The following ASIC2 variants were observed in gnomAD, a reference collection of about 807,000 sequenced individuals.
ASIC2 encodes the protein acid-sensing ion channel 2.
In ASIC2, 25 loss-of-function variants were observed where a neutral mutation model predicts 57.3. The observed-to-expected ratio is 0.44, with a 90% CI of 0.32 to 0.61. The LOEUF (loss-of-function observed/expected upper bound fraction) is 0.61, where lower values mean the gene tolerates loss of function less well. Among genes scored for constraint, ASIC2 ranks in the 20% least tolerant of loss-of-function variants. The pLI is 0.06. For synonymous variants in ASIC2, 319 were observed against 307.5 expected, an observed-to-expected ratio of 1.04 and a Z score of -0.39; for missense variants, 641 against 738.1, an observed-to-expected ratio of 0.87 and a Z score of 1.52.
At chr17:33,512,642 T>G (rs1914461545) in intron 1 of ASIC2, among the ~76,000 whole-genome samples, 1 of 152,220 alleles carries the variant, frequency 6.6e-6, no homozygotes, top group African/African-American at 2.4e-5. Flanking sequence ...TCTACACTCC[T>G]GCTTACTCTA....
intron 1 of ASIC2, among the ~76,000 whole-genome samples, chr17:33,581,990 C>G (rs910130663): frequency 4.6e-5 from 7 of 152,130 alleles, no homozygotes; most frequent in Non-Finnish European, 1.0e-4. Flanking sequence ...ATTCCGTGTC[C>G]CCACACCTTG....
intron 1 of ASIC2, among the ~76,000 whole-genome samples, chr17:33,685,097 G>A (rs901070702): frequency 4.6e-5 from 7 of 152,164 alleles, no homozygotes; most frequent in East Asian, 1.9e-4. Flanking sequence ...TAGTCCTCAC[G>A]TTCTGGTTCC....
At chr17:33,190,104 T>C (rs1455917637) in intron 1 of ASIC2, among the ~76,000 whole-genome samples, 2 of 152,156 alleles carry the variant, frequency 1.3e-5, no homozygotes, top group African/African-American at 4.8e-5. Context: ...ACTGACTTTT[T>C]TCACAGATAA....
chr17:33,278,607 G>A (rs952521669), intron 1 of ASIC2, among the ~76,000 whole-genome samples: 2 of 152,092 alleles, frequency 1.3e-5, no homozygotes, highest in Non-Finnish European at 2.9e-5. Flanking sequence ...GGGGAGACTT[G>A]GAAAGCACAG....
intron 1 of ASIC2, among the ~76,000 whole-genome samples, chr17:33,593,756 G>A (rs1260327757): frequency 6.6e-6 from 1 of 152,140 alleles, no homozygotes; most frequent in African/African-American, 2.4e-5. Flanking sequence ...ATTTTGAAAA[G>A]GTCAATACAG....
intron 1 of ASIC2, among the ~76,000 whole-genome samples, chr17:33,767,875 C>T (rs911325566): frequency 3.3e-5 from 5 of 152,202 alleles, no homozygotes; most frequent in African/African-American, 9.6e-5. Flanking sequence ...AGATAATTAA[C>T]CCATTAACTG....
intron 1 of ASIC2, among the ~76,000 whole-genome samples, chr17:34,106,049 C>T (rs557682986): frequency 2.0e-4 from 30 of 152,042 alleles, no homozygotes; most frequent in African/African-American, 6.7e-4. Context: ...TAAATAGTCT[C>T]GAATGTTTCC....
At chr17:33,027,917 C>T (rs1052410669) in intron 4 of ASIC2, among the ~76,000 whole-genome samples, 1 of 152,252 alleles carries the variant, frequency 6.6e-6, no homozygotes, top group African/African-American at 2.4e-5. Flanking sequence ...ACATGTACTA[C>T]ACGAGCTGCA....
intron 1 of ASIC2, among the ~76,000 whole-genome samples, chr17:34,110,363 G>T (rs554893905): frequency 1.3e-5 from 2 of 152,266 alleles, no homozygotes; most frequent in South Asian, 4.1e-4. Context: ...GAACAACTCT[G>T]GGAAGGCTGC....
chr17:33,900,349 A>G (rs935492244), intron 1 of ASIC2, among the ~76,000 whole-genome samples: 1 of 152,162 alleles, frequency 6.6e-6, no homozygotes, highest in African/African-American at 2.4e-5. Context: ...ATATTATTCC[A>G]TAGGGTCTCT....
chr17:33,165,200 A>G (rs921886225), intron 1 of ASIC2, among the ~76,000 whole-genome samples: 2 of 152,110 alleles, frequency 1.3e-5, no homozygotes, highest in Non-Finnish European at 2.9e-5. Flanking sequence ...TTGTCTACCA[A>G]TCCTGGTCAT....
At position 33,107,534 on chromosome 17, in the gene ASIC2, C is replaced by T. The variant is rs79766507; in HGVS notation, c.859+4383G>A. 7.9e-3 allele frequency among the ~76,000 whole-genome samples: 1,208 copies of T among 152,272 alleles called. 32 individuals carry two copies. Among genetic ancestry groups the T allele is most frequent in the East Asian group, 0.065 (336 of 5,174 alleles). On this transcript the variant is annotated intron_variant, in intron 2 of 9. Coordinates refer to ENST00000225823, the MANE Select transcript of ASIC2 (RefSeq NM_183377.2). ...CTCTCTAGGACCACATGCAACTGAA[C>T]CTCTTCCTTTAAAATGGCATATTAT...
intron 1 of ASIC2, among the ~76,000 whole-genome samples, chr17:33,186,698 G>A (rs573026814): frequency 6.6e-6 from 1 of 152,262 alleles, no homozygotes; most frequent in African/African-American, 2.4e-5. Context: ...ATAGTGGCTG[G>A]CCATCGGAAG....
chr17:33,114,275 A>T (rs755100359), intron 1 of ASIC2, among the ~76,000 whole-genome samples: 6 of 152,234 alleles, frequency 3.9e-5, no homozygotes, highest in African/African-American at 1.4e-4. Context: ...GCATATAGCA[A>T]TTGAACTTGG....
In ASIC2 at chr17:33,023,995, G is replaced by C. The variant is rs2091849410; in HGVS notation, c.1215C>G (p.Asp405Glu). The C allele has an allele frequency of 6.2e-7, 1 of 1,614,048 alleles. No homozygotes were observed. Among genetic ancestry groups the C allele is most frequent in the South Asian group, 1.1e-5 (1 of 91,080 alleles). The change falls in exon 6 of 10, where the codon GAC (aspartate) becomes GAG (glutamate). Residue 405 changes from aspartate to glutamate, a missense_variant. This residue lies in a region of ASIC2 where 252 missense variants were observed against 319.8 expected (regional missense o/e 0.79). Coordinates refer to ENST00000225823, the MANE Select transcript of ASIC2 (RefSeq NM_183377.2). ...GTGTCCTGCAGAGACAGTAATTGCT[G>C]TCCTTTTCCGCCAACAGACCTGGAG... is the stretch of plus-strand genomic sequence containing the variant. ...EPALGLLAEK[D>E]SNYCLCRTPC...
At chr17:33,137,423 G>T (rs750784616) in intron 1 of ASIC2, among the ~76,000 whole-genome samples, 11 of 152,232 alleles carry the variant, frequency 7.2e-5, no homozygotes, top group Non-Finnish European at 1.2e-4. Flanking sequence ...ATTTGAAGGT[G>T]ACTTCAGGAA....
intron 1 of ASIC2, among the ~76,000 whole-genome samples, chr17:34,006,948 A>G (rs1906546717): frequency 1.3e-5 from 2 of 152,198 alleles, no homozygotes; most frequent in Admixed American, 6.5e-5. Context: ...AAAACGCCTG[A>G]TCATCCAGTG....
intron 1 of ASIC2, among the ~76,000 whole-genome samples, chr17:34,015,179 G>A (rs899013940): frequency 6.6e-6 from 1 of 151,650 alleles, no homozygotes; most frequent in Non-Finnish European, 1.5e-5. Flanking sequence ...CAAGTGCTGG[G>A]ACTACAGGGA....
chr17:33,273,501 C>T (rs1904587567), intron 1 of ASIC2, among the ~76,000 whole-genome samples: 1 of 152,072 alleles, frequency 6.6e-6, no homozygotes, highest in Non-Finnish European at 1.5e-5. Flanking sequence ...GTTTATTGTC[C>T]CTCTGCCTGG....
Sources: allele counts gnomAD v4.1 joint callset (sites outside exome capture counted in the v4.1 genomes callset), GRCh38; gene constraint gnomAD v4.1.1; regional missense constraint gnomAD v4.1.1; transcripts MANE v1.5; gene names NCBI Gene and HGNC (gene_info 2026-07-23, HGNC 2026-07-21).